Variants in ABCA9 observed in about 807,000 individuals in gnomAD.
The protein encoded by ABCA9 is ATP binding cassette subfamily A member 9, also known as ATP-binding cassette sub-family A member 9.
ABCA9 carries 183 observed loss-of-function variants against 205.3 expected under a neutral mutation model. The ratio of observed to expected loss-of-function variants is 0.89; its 90% CI spans 0.79 to 1.01. The LOEUF (loss-of-function observed/expected upper bound fraction) is 1.01, where lower values mean the gene tolerates loss of function less well. Ranked by LOEUF, ABCA9 falls within the 50% of genes least tolerant of loss-of-function variation. The pLI, the probability that ABCA9 is intolerant of heterozygous loss-of-function variation, is 0.00. For missense variants in ABCA9, 1,805 were observed against 1,912.4 expected, an observed-to-expected ratio of 0.94 and a Z score of 1.05; for synonymous variants, 651 against 683.3, an observed-to-expected ratio of 0.95 and a Z score of 0.74.
chr17:69,027,539 G>T, intron 13 of ABCA9, 90 bp from the exon 14 acceptor site: 2 of 1,556,338 alleles, frequency 1.3e-6, no homozygotes, highest in South Asian at 1.2e-5. Context: ...GGGCCTTTTT[G>T]CCTGAAATTT....
chr17:69,035,694 A>G lies in ABCA9; in HGVS notation c.908T>C (p.Val303Ala), dbSNP rs2071312567. Residue 303 changes from valine to alanine, a missense_variant, in exon 7 of 39, where the codon GTC (valine) becomes GCC (alanine). Physicochemically the swap from Val to Ala is moderately conservative, Grantham distance 64. Coordinates refer to ENST00000340001, the MANE Select transcript of ABCA9 (RefSeq NM_080283.4). ...QIVVLTGFVMVFTLFLLYGLS... is the reference protein window; with the variant it reads ...QIVVLTGFVMAFTLFLLYGLS... The stretch of plus-strand genomic sequence containing the variant: ...GCCATAGAGGAGAAAGAGGGTGAAG[A>G]CCATCACAAAACCAGTCAGGACGAC... The G allele has an allele frequency of 6.2e-7, 1 of 1,613,550 alleles. No homozygotes were observed. Among genetic ancestry groups the G allele is most frequent in the South Asian group, 1.1e-5 (1 of 91,054 alleles).
At chr17:69,042,765 C>T (rs1407015195) in intron 6 of ABCA9, 1 of 152,192 alleles carries the variant, frequency 6.6e-6, no homozygotes, top group African/African-American at 2.4e-5. Flanking sequence ...GCATGGTCAT[C>T]TGCTCAACTC....
chr17:68,995,815 A>G (rs2144067201), intron 26 of ABCA9, 80 bp downstream of exon 26: 1 of 1,544,400 alleles, frequency 6.5e-7, no homozygotes, highest in Middle Eastern at 1.7e-4. Flanking sequence ...TGAGGACTCT[A>G]TCTATATTTT....
In ABCA9 at chr17:69,021,839, T is replaced by A. The variant is rs776789549; in HGVS notation, c.2304A>T (p.Arg768Ser). 6.5e-7 allele frequency: 1 copy of A among 1,548,876 alleles called. No homozygotes were observed. The highest frequency in any genetic ancestry group is 1.2e-5 in the South Asian group (1 of 82,732). The change falls in exon 18 of 39, where the codon AGA becomes AGT. Residue 768 changes from arginine to serine, a missense_variant. By Grantham distance (110) the Arg-to-Ser change is moderately radical. Coordinates refer to ENST00000340001, the MANE Select transcript of ABCA9 (RefSeq NM_080283.4). Reference protein sequence around the residue: ...KFPELYRDLDRCSNQGIEDYG... With the variant: ...KFPELYRDLDSCSNQGIEDYG... ...AATCCTCAATGCCTTGGTTAGAACA[T>A]CTATCAAGATCCCTGTAAAGTTCTA... is the stretch of plus-strand genomic sequence containing the variant.
intron 22 of ABCA9, among the ~76,000 whole-genome samples, chr17:69,012,850 TTTTGTACCTATTA>T (rs904758302): frequency 6.6e-6 from 1 of 152,168 alleles, no homozygotes; most frequent in African/African-American, 2.4e-5. Context: ...TGTATCTATT[TTTTGTACCTATTA>T]ACCATTCCCA....
At chr17:69,003,365 C>T (rs2069965422) in intron 25 of ABCA9, among the ~76,000 whole-genome samples, 1 of 148,776 alleles carries the variant, frequency 6.7e-6, no homozygotes, top group African/African-American at 2.5e-5. Context: ...TTTATTTCTC[C>T]TTCACTTATG....
intron 23 of ABCA9, among the ~76,000 whole-genome samples, chr17:69,009,850 A>G (rs1221286280): frequency 6.6e-6 from 1 of 152,184 alleles, no homozygotes; most frequent in African/African-American, 2.4e-5. Context: ...AGAAAGAAAG[A>G]CATTGACATC....
At position 69,043,530 on chromosome 17, in the gene ABCA9, C is replaced by G. The variant is rs149996924; in HGVS notation, c.759G>C (p.Thr253=). 4 of 1,608,178 alleles carry G rather than the reference C, an allele frequency of 2.5e-6. No individual in the cohort carries two copies. Among genetic ancestry groups the G allele is most frequent in the Non-Finnish European group, 3.4e-6 (4 of 1,177,240 alleles). ...GGAGTCCCATCATTGTCATCAATGA[C>G]GTAATGTATTGTCTTTCTTGTGTAA... ...VNVTQERQYI[T]SLMTMMGLRE... The change falls in exon 6 of 39, where the codon ACG becomes ACC. Residue 253 remains threonine, a synonymous_variant. Coordinates refer to ENST00000340001, the MANE Select transcript of ABCA9 (RefSeq NM_080283.4).
In ABCA9 at chr17:69,059,659, G is replaced by A. The variant is rs1309748573; in HGVS notation, c.-14+1207C>T. On this transcript the variant is annotated intron_variant, in intron 1 of 38. Transcript: ENST00000340001. ...ACTCTGTTTTGTTCTAAACCATTAA[G>A]TTTGTGGTCATTTTTTTTTTTTTTA... Among the ~76,000 whole-genome samples, 4 of 132,554 alleles carry A rather than the reference G, an allele frequency of 3.0e-5. No individual in the cohort carries two copies. The East Asian group carries it at 9.4e-4, about 31-fold the overall frequency. 87.0% of individuals were successfully genotyped at this position (132,554 alleles called of 152,430 possible).
intron 26 of ABCA9, among the ~76,000 whole-genome samples, 179 bp downstream of exon 26, chr17:68,995,716 G>A (rs1383286432): frequency 4.6e-5 from 7 of 152,138 alleles, no homozygotes. Context: ...ACCAAAGCTG[G>A]CTTCCTACTG....
chr17:68,986,145 G>A lies in ABCA9; in HGVS notation c.4208+19C>T. 1 of 1,582,772 alleles carries A rather than the reference G, an allele frequency of 6.3e-7. No homozygotes were observed. The highest frequency in any genetic ancestry group is 2.3e-5 in the East Asian group (1 of 44,276). ...AACATCCCCTCCAGCAAAGGGGAGT[G>A]CCCCCCAGTCCCAGGTACCGTGTGA... On this transcript the variant is annotated intron_variant, in intron 32 of 38. Coordinates refer to ENST00000340001, the MANE Select transcript of ABCA9 (RefSeq NM_080283.4).
intron 1 of ABCA9, among the ~76,000 whole-genome samples, chr17:69,055,925 GA>G (rs377446031): frequency 1.1e-4 from 16 of 151,846 alleles, no homozygotes; most frequent in African/African-American, 3.1e-4. Flanking sequence ...AAAAGTCAAA[GA>G]AAAAAATCTA....
At chr17:69,051,820 T>C (rs2071909268) in intron 1 of ABCA9, 1 of 152,194 alleles carries the variant, frequency 6.6e-6, no homozygotes, top group Non-Finnish European at 1.5e-5. Context: ...ATATCATTGA[T>C]ATCAATTCAC....
chr17:69,009,546 A>G (rs1478327490), intron 23 of ABCA9, among the ~76,000 whole-genome samples: 2 of 152,202 alleles, frequency 1.3e-5, no homozygotes, highest in Non-Finnish European at 2.9e-5. Flanking sequence ...AGACAATGGC[A>G]AGGATTTCAA....
intron 10 of ABCA9, 140 bp downstream of exon 10, chr17:69,031,968 A>C (rs1434530059): frequency 1.6e-6 from 1 of 644,354 alleles, no homozygotes; most frequent in Non-Finnish European, 2.7e-6. Context: ...GGATGAGTAT[A>C]GCCTTTGATG....
At chr17:68,998,090 C>T (rs2069695205) in intron 25 of ABCA9, among the ~76,000 whole-genome samples, 1 of 152,134 alleles carries the variant, frequency 6.6e-6, no homozygotes, top group East Asian at 1.9e-4. Flanking sequence ...TTTAAGTTTC[C>T]TCCATGTCTT....
chr17:69,019,346 G>C (rs2144278717), intron 19 of ABCA9, among the ~76,000 whole-genome samples: 1 of 152,098 alleles, frequency 6.6e-6, no homozygotes, highest in East Asian at 1.9e-4. Flanking sequence ...AAACTCCTTA[G>C]CTCTTTGAAT....
intron 25 of ABCA9, 48 bp from the exon 26 acceptor site, chr17:68,996,062 T>C (rs1226439883): frequency 6.4e-7 from 1 of 1,572,400 alleles, no homozygotes; most frequent in Admixed American, 1.8e-5. Context: ...CCAATCTGAA[T>C]TTTAGGATGT....
At chr17:69,047,801 G>A (rs1343097796) in intron 3 of ABCA9, among the ~76,000 whole-genome samples, 2 of 152,124 alleles carry the variant, frequency 1.3e-5, no homozygotes, top group East Asian at 3.9e-4. Context: ...TCCCCATCCT[G>A]CAAATTTCAC....
Sources: allele counts gnomAD v4.1 joint callset (sites outside exome capture counted in the v4.1 genomes callset), GRCh38; gene constraint gnomAD v4.1.1; transcripts MANE v1.5; gene names NCBI Gene and HGNC (gene_info 2026-07-23, HGNC 2026-07-21).